Variants in CCDC85C observed in about 807,000 individuals in gnomAD.
CCDC85C encodes the protein coiled-coil domain-containing protein 85C.
CCDC85C carries 18 observed loss-of-function variants against 38.3 expected under a neutral mutation model. The observed-to-expected ratio is 0.47, with a 90% CI of 0.33 to 0.70. The LOEUF is 0.70. CCDC85C is among the 30% of genes least tolerant of loss of function. The pLI is 0.03. For synonymous variants in CCDC85C, 264 were observed against 293.8 expected, an observed-to-expected ratio of 0.90 and a Z score of 1.04; for missense variants, 566 against 621.2, an observed-to-expected ratio of 0.91 and a Z score of 0.94.
chr14:99,567,047 C>G (rs1898229238), intron 1 of CCDC85C, among the ~76,000 whole-genome samples: 1 of 152,218 alleles, frequency 6.6e-6, no homozygotes, highest in African/African-American at 2.4e-5. Flanking sequence ...AAGAGCCACC[C>G]AAGTTCCCAA....
intron 2 of CCDC85C, among the ~76,000 whole-genome samples, chr14:99,526,159 T>C (rs948164127): frequency 2.6e-5 from 4 of 152,228 alleles, no homozygotes; most frequent in Admixed American, 2.0e-4. Context: ...GGTGCCCTCC[T>C]GCTTCTGGCC....
intron 1 of CCDC85C, among the ~76,000 whole-genome samples, chr14:99,568,037 G>A (rs1357833665): frequency 1.3e-5 from 2 of 151,950 alleles, no homozygotes; most frequent in Non-Finnish European, 2.9e-5. Flanking sequence ...AACTGAAGCA[G>A]GTCTAGATGC....
Position 99,502,511 on chromosome 14 carries a change from A to G in CCDC85C, c.*12735T>C. 1 of 1,377,924 alleles carries G rather than the reference A, an allele frequency of 7.3e-7. No individual in the cohort carries two copies. Among genetic ancestry groups the G allele is most frequent in the Non-Finnish European group, 9.7e-7 (1 of 1,030,694 alleles). The allele number at this position is 1,377,924 out of a possible 1,614,324, so 85.4% of individuals were successfully genotyped here. ...ATATTTCAGAAGCATCATTAATTAAATTATCTAATAGTTTCCACTTTGTCC... is the reference window on the plus strand; with the variant it reads ...ATATTTCAGAAGCATCATTAATTAAGTTATCTAATAGTTTCCACTTTGTCC... On this transcript the variant is annotated 3_prime_UTR_variant, in exon 6 of 6. Coordinates refer to ENST00000380243, the MANE Select transcript of CCDC85C (RefSeq NM_001144995.2).
At chr14:99,579,359 G>A (rs868137393) in intron 1 of CCDC85C, among the ~76,000 whole-genome samples, 1 of 152,210 alleles carries the variant, frequency 6.6e-6, no homozygotes, top group Admixed American at 6.5e-5. Flanking sequence ...GAAGAGAAGT[G>A]GGGGAGGGGG....
intron 1 of CCDC85C, among the ~76,000 whole-genome samples, chr14:99,536,905 C>G (rs927005344): frequency 1.3e-5 from 2 of 152,220 alleles, no homozygotes; most frequent in South Asian, 2.1e-4. Context: ...TGCCTCCCCC[C>G]AGGCTGGGAG....
intron 1 of CCDC85C, chr14:99,583,152 T>C (rs536117439): frequency 6.6e-6 from 1 of 152,270 alleles, no homozygotes; most frequent in African/African-American, 2.4e-5. Context: ...TTAAAAAAAT[T>C]AAACTAAAAA....
chr14:99,591,262 C>T (rs917529646), intron 1 of CCDC85C, among the ~76,000 whole-genome samples: 1 of 152,246 alleles, frequency 6.6e-6, no homozygotes, highest in Non-Finnish European at 1.5e-5. Context: ...TGGGTTCTGC[C>T]GGGGAGACCC....
intron 1 of CCDC85C, among the ~76,000 whole-genome samples, chr14:99,599,131 C>T (rs1485980375): frequency 6.6e-6 from 1 of 152,174 alleles, no homozygotes; most frequent in East Asian, 1.9e-4. Context: ...TCAGAGTTAG[C>T]GTGCTCTGTC....
intron 3 of CCDC85C, among the ~76,000 whole-genome samples, chr14:99,518,543 G>A (rs1460360861): frequency 6.6e-6 from 1 of 151,596 alleles, no homozygotes; most frequent in African/African-American, 2.4e-5. Flanking sequence ...CAACAGGGAC[G>A]CTGGGGATTC....
At position 99,535,315 on chromosome 14, in the gene CCDC85C, G is replaced by T. The variant is rs1897573313; in HGVS notation, c.867+700C>A. 1.3e-5 allele frequency among the ~76,000 whole-genome samples: 2 copies of T among 152,190 alleles called. No individual in the cohort carries two copies. The highest frequency in any genetic ancestry group is 2.9e-5 in the Non-Finnish European group (2 of 68,022). On this transcript the variant is annotated intron_variant, in intron 2 of 5. Coordinates refer to ENST00000380243, the MANE Select transcript of CCDC85C (RefSeq NM_001144995.2). The surrounding 1 kb of genome is among the most constrained non-coding windows in gnomAD (Gnocchi z 5.5). ...CGCACGAGGGCTCGGAGGCTTGGGG[G>T]AGCGAGCGGCTTGAGAGGTCGCCAA... is the stretch of plus-strand genomic sequence containing the variant.
At chr14:99,582,106 A>G (rs2054978030) in intron 1 of CCDC85C, among the ~76,000 whole-genome samples, 1 of 152,060 alleles carries the variant, frequency 6.6e-6, no homozygotes, top group Non-Finnish European at 1.5e-5. Flanking sequence ...AGGTGGCCAC[A>G]CCCAGCGGGG....
chr14:99,554,023 T>C (rs1021065426), intron 1 of CCDC85C, among the ~76,000 whole-genome samples: 2 of 152,278 alleles, frequency 1.3e-5, no homozygotes, highest in African/African-American at 4.8e-5. Flanking sequence ...TGTGTCTTGC[T>C]CTCAGAGCTG....
At chr14:99,515,397 C>T (rs564331807) in intron 5 of CCDC85C, 62 bp from the exon 6 acceptor site, 143 of 1,221,486 alleles carry the variant, frequency 1.2e-4, no homozygotes, top group Non-Finnish European at 1.5e-4. Context: ...CGCCTATGCA[C>T]ATCCGCCGCC....
chr14:99,587,640 T>C (rs1465739666), intron 1 of CCDC85C, among the ~76,000 whole-genome samples: 2 of 152,066 alleles, frequency 1.3e-5, no homozygotes, highest in Non-Finnish European at 2.9e-5. Context: ...CTGGGAAAGG[T>C]CATGGGCCTG....
At chr14:99,574,146 C>T (rs1364274839) in intron 1 of CCDC85C, among the ~76,000 whole-genome samples, 1 of 152,170 alleles carries the variant, frequency 6.6e-6, no homozygotes, top group African/African-American at 2.4e-5. Flanking sequence ...TGTGCCTGCC[C>T]AGCCTCCAGA....
intron 1 of CCDC85C, among the ~76,000 whole-genome samples, chr14:99,565,950 G>C (rs529171978): frequency 1.3e-5 from 2 of 152,226 alleles, no homozygotes; most frequent in Admixed American, 1.3e-4. Flanking sequence ...TGCTGCGCCC[G>C]TCTGCTCCAG....
Position 99,535,473 on chromosome 14 carries a change from C to T in CCDC85C, c.867+542G>A, listed in dbSNP as rs1007259236. ...GTCCCCTCCAAGCTCCAGCCACACT[C>T]AAGAGGCACAGCCCCTCACCCAACC... On this transcript the variant is annotated intron_variant, in intron 2 of 5. Transcript: ENST00000380243. This position sits in a 1 kb window ranked among gnomAD's most constrained non-coding sequence, Gnocchi z 5.5. Among the ~76,000 whole-genome samples, 29 of 152,158 alleles carry T rather than the reference C, an allele frequency of 1.9e-4. No individual in the cohort carries two copies. Among genetic ancestry groups the T allele is most frequent in the African/African-American group, 7.0e-4 (29 of 41,432 alleles).
rs1468444980 is a variant in CCDC85C at position 99,502,291 on chromosome 14, T to G, written c.*12955A>C. The G allele has an allele frequency of 6.2e-7, 1 of 1,612,600 alleles. No individual in the cohort carries two copies. Among genetic ancestry groups the G allele is most frequent in the Admixed American group, 1.7e-5 (1 of 59,868 alleles). ...ATCTCGCAGGACGTTTGTGCAAATT[T>G]GAAATACAAGAATGGACCTCCAAAC... On this transcript the variant is annotated 3_prime_UTR_variant, in exon 6 of 6. Coordinates refer to ENST00000380243, the MANE Select transcript of CCDC85C (RefSeq NM_001144995.2).
chr14:99,587,477 A>G (rs1019858641), intron 1 of CCDC85C, among the ~76,000 whole-genome samples: 8 of 152,212 alleles, frequency 5.3e-5, no homozygotes, highest in Non-Finnish European at 1.0e-4. Flanking sequence ...CTATCCCCCT[A>G]TGGGATGGCC....
Sources: gnomAD v4.1 joint callset for allele counts (sites outside exome capture counted in the v4.1 genomes callset) on GRCh38, gnomAD v4.1.1 for gene constraint, Gnocchi (gnomAD v3.1) non-coding constraint, MANE v1.5 for transcripts, NCBI Gene and HGNC (gene_info 2026-07-23, HGNC 2026-07-21) for gene names.